GCN1: variants seen among roughly 807,000 people sequenced by gnomAD.
GCN1 encodes the protein stalled ribosome sensor GCN1.
In GCN1, 90 loss-of-function variants were observed where a neutral mutation model predicts 288.4. The ratio of observed to expected loss-of-function variants is 0.31; its 90% CI spans 0.26 to 0.37. The LOEUF is 0.37. Among genes scored for constraint, GCN1 ranks in the 10% least tolerant of loss-of-function variants. GCN1 has a pLI of 1.00. For missense variants in GCN1, 2,586 were observed against 3,419.9 expected, an observed-to-expected ratio of 0.76 and a Z score of 6.08; for synonymous variants, 1,386 against 1,420.2, an observed-to-expected ratio of 0.98 and a Z score of 0.54.
intron 16 of GCN1, among the ~76,000 whole-genome samples, chr12:120,165,036 C>CACAG (rs1491212722): frequency 1.1e-5 from 1 of 95,054 alleles, no homozygotes; most frequent in Non-Finnish European, 2.5e-5. Flanking sequence ...CACACACACA[C>CACAG]ATATATATAT....
In GCN1 at chr12:120,158,497, G is replaced by T. The variant is rs749309146; in HGVS notation, c.2868C>A (p.Thr956=). The change falls in exon 25 of 58, where the codon ACC becomes ACA. Residue 956 remains threonine (T), a synonymous_variant. Transcript: ENST00000300648. The surrounding 1 kb of genome is among the most constrained non-coding windows in gnomAD (Gnocchi z 4.3). ...TGCCCACCCTGCTGGTGATGGTGTGGGTGTGCAGCAGCATCACCGCCCTCT... is the reference window on the plus strand; with the variant it reads ...TGCCCACCCTGCTGGTGATGGTGTGTGTGTGCAGCAGCATCACCGCCCTCT... ...AVKRAVMLLH[T]HTITSRVGKG... The T allele has an allele frequency of 1.0e-5, 16 of 1,563,308 alleles. No individual in the cohort carries two copies. The highest frequency in any genetic ancestry group is 1.3e-5 in the Non-Finnish European group (15 of 1,153,448).
intron 47 of GCN1, 122 bp from the exon 48 acceptor site, chr12:120,138,166 C>T (rs1877074128): frequency 9.9e-7 from 1 of 1,005,656 alleles, no homozygotes; most frequent in Admixed American, 2.0e-5. Flanking sequence ...TCTACTCCAG[C>T]ATATCTTGGA....
At chr12:120,139,402 G>C (rs1877118434) in intron 45 of GCN1, among the ~76,000 whole-genome samples, 1 of 152,060 alleles carries the variant, frequency 6.6e-6, no homozygotes, top group Admixed American at 6.6e-5. Flanking sequence ...GGAGGCAAGA[G>C]AATCACTTGA....
chr12:120,128,126 A>T, intron 57 of GCN1, 152 bp from the exon 58 acceptor site: 1 of 720,188 alleles, frequency 1.4e-6, no homozygotes, highest in Non-Finnish European at 2.3e-6. Flanking sequence ...GATCCAGGGA[A>T]AGCCAATGAA....
Position 120,164,484 on chromosome 12 carries a change from C to T in GCN1, c.1700G>A (p.Arg567Gln), listed in dbSNP as rs1490080861. ...LTGNKVQQYHRALVAVLLSRT... is the reference protein window; with the variant it reads ...LTGNKVQQYHQALVAVLLSRT... ...GCTCAGGAGCACCGCCACCAGAGCCCGGTGGTACTGCCTGCAAGCACAGGG... is the reference window on the plus strand; with the variant it reads ...GCTCAGGAGCACCGCCACCAGAGCCTGGTGGTACTGCCTGCAAGCACAGGG... Residue 567 changes from arginine (R) to glutamine (Q), a missense_variant, in exon 18 of 58, where the codon CGG becomes CAG. Around this residue, in one of 8 missense-constraint regions of GCN1, gnomAD observed 913 missense variants for 1,107.0 expected, o/e 0.82. Coordinates refer to ENST00000300648, the MANE Select transcript of GCN1 (RefSeq NM_006836.2). 6.2e-6 allele frequency: 10 copies of T among 1,613,942 alleles called. No individual in the cohort carries two copies. The highest frequency in any genetic ancestry group is 8.5e-6 in the Non-Finnish European group (10 of 1,179,920).
At chr12:120,174,386 C>T (rs140874278) in intron 12 of GCN1, among the ~76,000 whole-genome samples, 108 of 152,312 alleles carry the variant, frequency 7.1e-4, no homozygotes, top group Middle Eastern at 6.8e-3. Flanking sequence ...GAACAAGTCC[C>T]TCTTGTCAAG....
chr12:120,145,075 G>A lies in GCN1; in HGVS notation c.5017-14C>T, dbSNP rs761362554. 1.1e-5 allele frequency: 17 copies of A among 1,613,800 alleles called. No homozygotes were observed. The highest frequency in any genetic ancestry group is 4.0e-5 in the African/African-American group (3 of 74,946). On this transcript the variant is annotated splice_polypyrimidine_tract_variant and intron_variant, in intron 39 of 57. Coordinates refer to ENST00000300648, the MANE Select transcript of GCN1 (RefSeq NM_006836.2). ...TACGGTCCGCACCTGTCAGGTAACC[G>A]AGAGCAGAGATGGTGTGAGAAGATG...
chr12:120,156,909 C>G lies in GCN1; in HGVS notation c.3168+3G>C. 1 of 1,599,320 alleles carries G rather than the reference C, an allele frequency of 6.3e-7. No individual in the cohort carries two copies. Among genetic ancestry groups the G allele is most frequent in the Non-Finnish European group, 8.6e-7 (1 of 1,166,652 alleles). ...AGCAACAGCCAACTGAAAACCACAT[C>G]ACCTGTAAGCGAGGCGAGCCCGTCC... On this transcript the variant is annotated splice_donor_region_variant and intron_variant, in intron 27 of 57. Transcript: ENST00000300648. The surrounding 1 kb of genome is among the most constrained non-coding windows in gnomAD (Gnocchi z 5.8).
chr12:120,154,609 C>A (rs1417470662), intron 31 of GCN1, among the ~76,000 whole-genome samples: 2 of 152,196 alleles, frequency 1.3e-5, no homozygotes, highest in Non-Finnish European at 2.9e-5. Flanking sequence ...GAAACAGAGG[C>A]CTGGGGAAAA....
At chr12:120,166,007 G>A (rs1036371456) in intron 16 of GCN1, among the ~76,000 whole-genome samples, 30 of 152,020 alleles carry the variant, frequency 2.0e-4, no homozygotes, top group African/African-American at 6.3e-4. Context: ...GGCCAGGATA[G>A]TCTCGATCTC....
chr12:120,191,978 C>G (rs1879015192), intron 1 of GCN1, among the ~76,000 whole-genome samples: 1 of 152,178 alleles, frequency 6.6e-6, no homozygotes, highest in African/African-American at 2.4e-5. Context: ...CAGTGGAAGT[C>G]CCCAGTTTCA....
intron 11 of GCN1, 92 bp from the exon 12 acceptor site, chr12:120,175,304 G>T: frequency 1.7e-6 from 2 of 1,155,266 alleles, no homozygotes; most frequent in Non-Finnish European, 2.6e-6. Context: ...GCCACGATAC[G>T]GTTTCTGATT....
Position 120,153,730 on chromosome 12 carries a change from TG to T in GCN1, c.3867+13del, listed in dbSNP as rs754614832. ...TACCTTCCCGTGGGTGTTCCCTGGC[TG>T]GGACCCCCTTACCTTCCCATGAGTG... On this transcript the variant is annotated intron_variant, in intron 32 of 57. Coordinates refer to ENST00000300648, the MANE Select transcript of GCN1 (RefSeq NM_006836.2). The surrounding 1 kb of genome is among the most constrained non-coding windows in gnomAD (Gnocchi z 4.4). 1.2e-6 allele frequency: 2 copies of T among 1,612,562 alleles called. No homozygotes were observed. The highest frequency in any genetic ancestry group is 2.2e-5 in the South Asian group (2 of 90,980).
chr12:120,144,190 C>T lies in GCN1; in HGVS notation c.5495+116G>A, dbSNP rs755264970. 8.9e-6 allele frequency: 10 copies of T among 1,117,940 alleles called. No homozygotes were observed. The highest frequency in any genetic ancestry group is 1.2e-5 in the Non-Finnish European group (9 of 748,410). 69.3% of individuals were successfully genotyped at this position (1,117,940 alleles called of 1,614,324 possible). On this transcript the variant is annotated intron_variant, in intron 42 of 57. Coordinates refer to ENST00000300648, the MANE Select transcript of GCN1 (RefSeq NM_006836.2). The surrounding 1 kb of genome is among the most constrained non-coding windows in gnomAD (Gnocchi z 4.7). ...AGGGTCTCACTATGTTGCCAGGGCT[C>T]ATCGTAAACTCCTGGGTTTAAGCAA...
chr12:120,180,023 G>A (rs1184942373), intron 5 of GCN1, among the ~76,000 whole-genome samples: 1 of 152,108 alleles, frequency 6.6e-6, no homozygotes, highest in African/African-American at 2.4e-5. Context: ...AATCTCAGAG[G>A]CTGCCAGGCC....
chr12:120,161,797 C>T (rs1032600556), intron 21 of GCN1, 83 bp downstream of exon 21: 1 of 1,343,346 alleles, frequency 7.4e-7, no homozygotes, highest in African/African-American at 1.4e-5. Flanking sequence ...ATTCAACTCA[C>T]AGGAGGCACT....
chr12:120,131,262 C>A lies in GCN1; in HGVS notation c.7486G>T (p.Ala2496Ser). 1 of 1,614,024 alleles carries A rather than the reference C, an allele frequency of 6.2e-7. No individual in the cohort carries two copies. The highest frequency in any genetic ancestry group is 8.5e-7 in the Non-Finnish European group (1 of 1,179,932). Residue 2496 changes from alanine (A) to serine (S), a missense_variant, in exon 55 of 58, where the codon GCT (alanine) becomes TCT (serine). Physicochemically the swap from Ala to Ser is moderately conservative, Grantham distance 99 (BLOSUM62 1). Transcript: ENST00000300648. Reference protein sequence around the residue: ...SLALSVAVNVAPGRLCAGRYS... With the variant: ...SLALSVAVNVSPGRLCAGRYS... ...CTGCCGGCACAAAGTCTGCCAGGAG[C>A]CACATTCACAGCCACGGAAAGTGCC...
At position 120,156,871 on chromosome 12, in the gene GCN1, C is replaced by G; in HGVS notation, c.3168+41G>C. On this transcript the variant is annotated intron_variant, in intron 27 of 57. Coordinates refer to ENST00000300648, the MANE Select transcript of GCN1 (RefSeq NM_006836.2). The surrounding 1 kb of genome is among the most constrained non-coding windows in gnomAD (Gnocchi z 5.8). Reference sequence around the variant, plus strand: ...ACACTGGGACTTGAGGTCTGGGTCACGAACTGAGTCACAGCAACAGCCAAC... The same window carrying G: ...ACACTGGGACTTGAGGTCTGGGTCAGGAACTGAGTCACAGCAACAGCCAAC... 7.4e-7 allele frequency: 1 copy of G among 1,356,764 alleles called. No homozygotes were observed. The highest frequency in any genetic ancestry group is 1.1e-6 in the Non-Finnish European group (1 of 944,966). 84.0% of individuals were successfully genotyped at this position (1,356,764 alleles called of 1,614,324 possible).
Position 120,148,156 on chromosome 12 carries a change from G to C in GCN1, c.4726+11C>G, listed in dbSNP as rs201139291. The stretch of plus-strand genomic sequence containing the variant: ...GAGGTCAGGGCAAGCACCCTCACGG[G>C]AAAGGCCTACCCAGGATCTCCGGGT... On this transcript the variant is annotated intron_variant, in intron 37 of 57. Coordinates refer to ENST00000300648, the MANE Select transcript of GCN1 (RefSeq NM_006836.2). The C allele has an allele frequency of 7.5e-6, 12 of 1,603,596 alleles. No homozygotes were observed. The Admixed American group carries it at 1.4e-4, about 18-fold the overall frequency.
Sources: gnomAD v4.1 joint callset for allele counts (sites outside exome capture counted in the v4.1 genomes callset) on GRCh38, gnomAD v4.1.1 for gene constraint, gnomAD v4.1.1 regional missense constraint, Gnocchi (gnomAD v3.1) non-coding constraint, MANE v1.5 for transcripts, NCBI Gene and HGNC (gene_info 2026-07-23, HGNC 2026-07-21) for gene names.